Variants in LRRN2 observed in about 807,000 individuals in gnomAD.
LRRN2 encodes the protein leucine-rich repeat neuronal protein 2.
LRRN2 carries 10 observed loss-of-function variants against 35.7 expected under a neutral mutation model. That is an observed-to-expected ratio of 0.28 (90% CI 0.17 to 0.47). The LOEUF (loss-of-function observed/expected upper bound fraction) is 0.47, where lower values mean the gene tolerates loss of function less well. Ranked by LOEUF, LRRN2 falls within the 20% of genes least tolerant of loss-of-function variation. The pLI, the probability that LRRN2 is intolerant of heterozygous loss-of-function variation, is 0.99. For synonymous variants in LRRN2, 391 were observed against 409.6 expected, an observed-to-expected ratio of 0.95 and a Z score of 0.55; for missense variants, 731 against 940.3, an observed-to-expected ratio of 0.78 and a Z score of 2.91.
chr1:204,654,230 C>T (rs1215538379), intron 1 of LRRN2, among the ~76,000 whole-genome samples: 6 of 152,012 alleles, frequency 3.9e-5, no homozygotes, highest in Admixed American at 6.6e-5. Flanking sequence ...TGGTGTAAAG[C>T]GGACTGGATT....
chr1:204,640,345 C>T (rs1312349931), intron 1 of LRRN2, among the ~76,000 whole-genome samples: 1 of 152,176 alleles, frequency 6.6e-6, no homozygotes, highest in African/African-American at 2.4e-5. Flanking sequence ...TGCCCTGTAA[C>T]ATCATCACAC....
chr1:204,650,539 G>A (rs114046468), intron 1 of LRRN2, among the ~76,000 whole-genome samples: 3 of 152,092 alleles, frequency 2.0e-5, no homozygotes, highest in Admixed American at 6.5e-5. Flanking sequence ...TGGCAGAGAG[G>A]TAGGCTGGGA....
rs372792371 is a variant in LRRN2, at chr1:204,639,722, A to T, written c.-226-19504T>A. On this transcript the variant is annotated intron_variant, in intron 1 of 1. Coordinates refer to ENST00000367177, the MANE Select transcript of LRRN2 (RefSeq NM_201630.2). ...AGATGCAATACAATTAGCTAATTTC[A>T]TTAAGGGCTTACTCTCTGCCAGGCA... Among the ~76,000 whole-genome samples, 3 of 152,342 alleles carry T rather than the reference A, an allele frequency of 2.0e-5. No individual in the cohort carries two copies. The East Asian group carries it at 5.8e-4, about 29-fold the overall frequency.
Position 204,619,237 on chromosome 1 carries a change from C to T in LRRN2, c.756G>A (p.Val252=). ...GCACCTGTTCCAGTGCCCGCCTGGGCACCCGGGCCAGCTGGTTGTCATAGA... is the reference window on the plus strand; with the variant it reads ...GCACCTGTTCCAGTGCCCGCCTGGGTACCCGGGCCAGCTGGTTGTCATAGA... ...LSFYDNQLAR[V]PRRALEQVPG... The change falls in exon 2 of 2, where the codon GTG becomes GTA. Residue 252 remains valine, a synonymous_variant. Coordinates refer to ENST00000367177, the MANE Select transcript of LRRN2 (RefSeq NM_201630.2). 6.2e-7 allele frequency: 1 copy of T among 1,614,132 alleles called. No individual in the cohort carries two copies. The highest frequency in any genetic ancestry group is 1.1e-5 in the South Asian group (1 of 91,084).
intron 1 of LRRN2, among the ~76,000 whole-genome samples, chr1:204,644,697 T>G (rs1405421071): frequency 6.6e-6 from 1 of 152,236 alleles, no homozygotes; most frequent in Non-Finnish European, 1.5e-5. Flanking sequence ...CAGACTGAGC[T>G]TCTCAAGAGC....
At chr1:204,669,352 C>A (rs1668658665) in intron 1 of LRRN2, among the ~76,000 whole-genome samples, 1 of 152,104 alleles carries the variant, frequency 6.6e-6, no homozygotes, top group African/African-American at 2.4e-5. Context: ...TATTTAAAGA[C>A]CTCTCATGGA....
chr1:204,659,950 T>C (rs184153950), intron 1 of LRRN2, among the ~76,000 whole-genome samples: 2 of 152,322 alleles, frequency 1.3e-5, no homozygotes, highest in East Asian at 3.9e-4. Flanking sequence ...TAATAGAGAA[T>C]AAGCCATCAT....
intron 1 of LRRN2, among the ~76,000 whole-genome samples, chr1:204,653,030 G>A (rs1324380185): frequency 6.6e-6 from 1 of 152,202 alleles, no homozygotes; most frequent in African/African-American, 2.4e-5. Flanking sequence ...TCTGCGGAAG[G>A]GACCTCGGTA....
chr1:204,667,141 T>G (rs1668590415), intron 1 of LRRN2, among the ~76,000 whole-genome samples: 1 of 152,040 alleles, frequency 6.6e-6, no homozygotes, highest in Non-Finnish European at 1.5e-5. Flanking sequence ...CCTGTGATGG[T>G]GTGGTTAACT....
At chr1:204,655,514 T>C (rs116653827) in intron 1 of LRRN2, among the ~76,000 whole-genome samples, 2,008 of 152,244 alleles carry the variant, frequency 0.013, 36 homozygotes, top group African/African-American at 0.045. Context: ...CAGGCTGATC[T>C]TGAACTCCTG....
chr1:204,644,984 C>T (rs778768910), intron 1 of LRRN2, among the ~76,000 whole-genome samples: 19 of 152,316 alleles, frequency 1.2e-4, no homozygotes, highest in South Asian at 4.1e-4. Flanking sequence ...ATCTGGATTC[C>T]ACACCTATCT....
At chr1:204,637,556 T>C (rs1667864286) in intron 1 of LRRN2, among the ~76,000 whole-genome samples, 1 of 152,184 alleles carries the variant, frequency 6.6e-6, no homozygotes, top group South Asian at 2.1e-4. Context: ...CAGATGCCCC[T>C]GAGTCTCCCA....
Position 204,671,035 on chromosome 1 carries a change from A to G in LRRN2, c.-227+14285T>C, listed in dbSNP as rs142484829. On this transcript the variant is annotated intron_variant, in intron 1 of 1. Transcript: ENST00000367177. ...GCATGGTGAGAAGGCTGTTTCTGAG[A>G]AGGCAGAGGAGAGGACCTAGAACAT... 6.0e-3 allele frequency among the ~76,000 whole-genome samples: 916 copies of G among 152,270 alleles called. 5 individuals are homozygous for G. The highest frequency in any genetic ancestry group is 9.1e-3 in the Non-Finnish European group (622 of 68,020).
chr1:204,681,514 T>C (rs991774155), intron 1 of LRRN2, among the ~76,000 whole-genome samples: 15 of 152,346 alleles, frequency 9.8e-5, no homozygotes, highest in Middle Eastern at 6.8e-3. Context: ...ACCTGCTCAA[T>C]GTCACCCAGC....
intron 1 of LRRN2, among the ~76,000 whole-genome samples, chr1:204,650,778 A>G (rs922914504): frequency 6.6e-6 from 1 of 152,158 alleles, no homozygotes; most frequent in Admixed American, 6.5e-5. Context: ...GGCACTGAAC[A>G]ACTCAAACAC....
chr1:204,681,511 C>T (rs1668955730), intron 1 of LRRN2, among the ~76,000 whole-genome samples: 1 of 152,188 alleles, frequency 6.6e-6, no homozygotes, highest in Non-Finnish European at 1.5e-5. Flanking sequence ...GTGACCTGCT[C>T]AATGTCACCC....
At chr1:204,637,172 A>G (rs1417035425) in intron 1 of LRRN2, among the ~76,000 whole-genome samples, 5 of 152,200 alleles carry the variant, frequency 3.3e-5, no homozygotes, top group African/African-American at 1.2e-4. Flanking sequence ...TGGGGGGAAA[A>G]TCCCCAAATG....
intron 1 of LRRN2, among the ~76,000 whole-genome samples, chr1:204,674,852 C>T (rs1410965410): frequency 6.6e-6 from 1 of 152,238 alleles, no homozygotes; most frequent in Non-Finnish European, 1.5e-5. Context: ...GACTGGAACT[C>T]AGAGCTGCTC....
Position 204,638,402 on chromosome 1 carries a change from C to CTTT in LRRN2, c.-226-18187_-226-18185dup, listed in dbSNP as rs971289134. Among the ~76,000 whole-genome samples the CTTT allele has an allele frequency of 1.1e-3, 79 of 71,672 alleles. 15 individuals are homozygous for CTTT. The highest frequency in any genetic ancestry group is 3.6e-3 in the South Asian group (6 of 1,682). 47.0% of individuals were successfully genotyped at this position (71,672 alleles called of 152,430 possible). Reference sequence around the variant, plus strand: ...GTGAAGTAACTTGCCCAAGGTCTTCCTTTTTTTTTTTTTTTTTTTTTTTTT... The same window carrying CTTT: ...GTGAAGTAACTTGCCCAAGGTCTTCCTTTTTTTTTTTTTTTTTTTTTTTTTTTT... On this transcript the variant is annotated intron_variant, in intron 1 of 1. Transcript: ENST00000367177.
Sources: gnomAD v4.1 joint callset for allele counts (sites outside exome capture counted in the v4.1 genomes callset) on GRCh38, gnomAD v4.1.1 for gene constraint, MANE v1.5 for transcripts, NCBI Gene and HGNC (gene_info 2026-07-23, HGNC 2026-07-21) for gene names.